Variants in UNC93A observed in about 807,000 individuals in gnomAD.
The protein encoded by UNC93A is N-acetylglucosamine transporter UNC93A.
UNC93A carries 43 observed loss-of-function variants against 47.5 expected under a neutral mutation model. The observed-to-expected ratio is 0.91, with a 90% CI of 0.71 to 1.17. The LOEUF is 1.17. Ranked by LOEUF, UNC93A falls within the 50% of genes most tolerant of loss-of-function variation. UNC93A has a pLI of 0.00. For missense variants in UNC93A, 605 were observed against 577.6 expected, an observed-to-expected ratio of 1.05 and a Z score of -0.49; for synonymous variants, 280 against 258.0, an observed-to-expected ratio of 1.09 and a Z score of -0.82.
intron 7 of UNC93A, among the ~76,000 whole-genome samples, chr6:167,309,508 G>A (rs1778497477): frequency 6.6e-6 from 1 of 152,192 alleles, no homozygotes; most frequent in Non-Finnish European, 1.5e-5. Context: ...TCGGAGGTGA[G>A]CATGGCTCAC....
At chr6:167,299,657 A>G (rs2981970) in intron 4 of UNC93A, among the ~76,000 whole-genome samples, 33,390 of 152,146 alleles carry the variant, frequency 0.22, 3,917 homozygotes, top group African/African-American at 0.3. Flanking sequence ...TTGCAGCTGC[A>G]TCTCCCTGGA....
intron 5 of UNC93A, among the ~76,000 whole-genome samples, chr6:167,305,402 C>T (rs1213205017): frequency 6.6e-6 from 1 of 152,190 alleles, no homozygotes; most frequent in Non-Finnish European, 1.5e-5. Flanking sequence ...CTGGTCTTCT[C>T]GTCTCAGTCC....
chr6:167,291,317 T>C lies in UNC93A; in HGVS notation c.-173T>C. 2 of 521,300 alleles carry C rather than the reference T, an allele frequency of 3.8e-6. No individual in the cohort carries two copies. Among genetic ancestry groups the C allele is most frequent in the East Asian group, 6.4e-5 (2 of 31,444 alleles). The allele number at this position is 521,300 out of a possible 1,614,324, so 32.3% of individuals were successfully genotyped here. Reference sequence around the variant, plus strand: ...TGGGGTCAGTGATAACCAAGTTCATTAACGAGTGACAGTCTTAATGACTAA... The same window carrying C: ...TGGGGTCAGTGATAACCAAGTTCATCAACGAGTGACAGTCTTAATGACTAA... On this transcript the variant is annotated 5_prime_UTR_variant, in exon 1 of 8. Coordinates refer to ENST00000230256, the MANE Select transcript of UNC93A (RefSeq NM_018974.4).
chr6:167,296,968 G>A (rs751328837), intron 3 of UNC93A, among the ~76,000 whole-genome samples: 2 of 152,182 alleles, frequency 1.3e-5, no homozygotes, highest in Middle Eastern at 6.8e-3. Context: ...AAAATCCCAC[G>A]CTTGGTAAAC....
At position 167,303,953 on chromosome 6, in the gene UNC93A, G is replaced by C; in HGVS notation, c.660G>C (p.Ala220=). Residue 220 remains alanine (A), a synonymous_variant, in exon 5 of 8, where the codon GCG becomes GCC. Transcript: ENST00000230256. The part of the protein sequence containing the change: ...SGVLAVLMIA[A]FLQPIRDVQR... ...TCCTGGCTGTCCTGATGATAGCTGCGTTCCTCCAACCCATACGAGATGTTC... is the reference window on the plus strand; with the variant it reads ...TCCTGGCTGTCCTGATGATAGCTGCCTTCCTCCAACCCATACGAGATGTTC... The C allele has an allele frequency of 6.2e-7, 1 of 1,613,472 alleles. No individual in the cohort carries two copies. The highest frequency in any genetic ancestry group is 1.1e-5 in the South Asian group (1 of 91,014).
intron 3 of UNC93A, among the ~76,000 whole-genome samples, chr6:167,296,726 C>T (rs1778098597): frequency 1.3e-5 from 2 of 152,228 alleles, no homozygotes; most frequent in East Asian, 3.8e-4. Flanking sequence ...GATGCCCTGG[C>T]TCCTCTGTCT....
rs1772267664 is a variant in UNC93A at position 167,315,311 on chromosome 6, C to G, written c.1233C>G (p.Leu411=). The G allele has an allele frequency of 6.2e-7, 1 of 1,613,792 alleles. No individual in the cohort carries two copies. Among genetic ancestry groups the G allele is most frequent in the South Asian group, 1.1e-5 (1 of 91,074 alleles). ...TGTTTTTGTGCGTGCACGTCAAGCT[C>G]TACATTCTGCTGGGGGTCCTGAGCC... ...YSMFLCVHVK[L]YILLGVLSLT... Residue 411 remains leucine (L), a synonymous_variant, in exon 8 of 8, where the codon CTC becomes CTG. Transcript: ENST00000230256.
chr6:167,281,161 G>A (rs867247040), intron 1 of UNC93A, among the ~76,000 whole-genome samples: 3 of 149,864 alleles, frequency 2.0e-5, no homozygotes, highest in South Asian at 2.1e-4. Flanking sequence ...GAGGAGCCTC[G>A]GTAGGTCATC....
intron 5 of UNC93A, 102 bp downstream of exon 5, chr6:167,304,235 C>G: frequency 7.5e-7 from 1 of 1,331,274 alleles, no homozygotes; most frequent in Non-Finnish European, 1.1e-6. Flanking sequence ...GGCCACCTGC[C>G]CAGGGCTGGG....
At chr6:167,294,155 C>A (rs570690928) in intron 1 of UNC93A, among the ~76,000 whole-genome samples, 157 of 152,290 alleles carry the variant, frequency 1.0e-3, no homozygotes, top group South Asian at 2.9e-3. Flanking sequence ...AGGCTCCTCA[C>A]AGATGAGTTC....
At chr6:167,269,222 G>A (rs541784262), upstream of UNC93A, among the ~76,000 whole-genome samples, 41 of 152,338 alleles carry the variant, frequency 2.7e-4, no homozygotes, top group Admixed American at 2.0e-3. Flanking sequence ...TGAGGCGCCC[G>A]TGCTGGCCAG....
intron 1 of UNC93A, among the ~76,000 whole-genome samples, chr6:167,278,809 C>T (rs971614189): frequency 6.6e-5 from 10 of 152,148 alleles, no homozygotes; most frequent in Non-Finnish European, 1.2e-4. Context: ...AGGGCTCACC[C>T]GGCTCTGTTC....
intron 4 of UNC93A, among the ~76,000 whole-genome samples, chr6:167,301,810 T>C (rs1287472519): frequency 2.6e-5 from 4 of 152,094 alleles, no homozygotes; most frequent in Non-Finnish European, 5.9e-5. Flanking sequence ...ATGTGCCTTT[T>C]CCACATGGTC....
chr6:167,291,849 A>G (rs1783848622), intron 1 of UNC93A, among the ~76,000 whole-genome samples: 1 of 152,150 alleles, frequency 6.6e-6, no homozygotes, highest in South Asian at 2.1e-4. Flanking sequence ...ATTTGTTGGG[A>G]CATTCTTTGC....
At chr6:167,282,477 T>C (rs1783650381) in intron 1 of UNC93A, among the ~76,000 whole-genome samples, 1 of 151,936 alleles carries the variant, frequency 6.6e-6, no homozygotes, top group Admixed American at 6.5e-5. Context: ...ATTGGAGGGA[T>C]TTTATGACTA....
At chr6:167,279,396 C>A (rs781747347) in intron 1 of UNC93A, among the ~76,000 whole-genome samples, 65 of 152,346 alleles carry the variant, frequency 4.3e-4, no homozygotes, top group Non-Finnish European at 8.8e-4. Flanking sequence ...AATGTTTTCA[C>A]TTTTCCTTTG....
At chr6:167,300,747 C>T (rs1242281666) in intron 4 of UNC93A, among the ~76,000 whole-genome samples, 1 of 152,164 alleles carries the variant, frequency 6.6e-6, no homozygotes, top group East Asian at 1.9e-4. Context: ...CCCCTCACCA[C>T]CTCCTCTACA....
In UNC93A at chr6:167,306,836, C is replaced by T. The variant is rs188603850; in HGVS notation, c.976+786C>T. Among the ~76,000 whole-genome samples the T allele has an allele frequency of 6.6e-5, 10 of 152,302 alleles. No individual in the cohort carries two copies. The East Asian group carries it at 1.2e-3, about 18-fold the overall frequency. The stretch of plus-strand genomic sequence containing the variant: ...GGCATGCGGTGTGGACCTGCCTTTC[C>T]GCTGACAGAGACCCTGCTCTTCCTC... On this transcript the variant is annotated intron_variant, in intron 6 of 7. Transcript: ENST00000230256.
intron 4 of UNC93A, among the ~76,000 whole-genome samples, chr6:167,301,289 G>A (rs1778234059): frequency 6.6e-6 from 1 of 152,260 alleles, no homozygotes. Context: ...GCCTAAGGGA[G>A]TCCAAGTCTA....
Sources: allele counts gnomAD v4.1 joint callset (sites outside exome capture counted in the v4.1 genomes callset), GRCh38; gene constraint gnomAD v4.1.1; transcripts MANE v1.5; gene names NCBI Gene and HGNC (gene_info 2026-07-23, HGNC 2026-07-21).